DMD: variants seen among roughly 807,000 people sequenced by gnomAD.
DMD encodes dystrophin.
Under a neutral mutation model 330.1 loss-of-function variants are expected in DMD, and 63 were observed. The observed-to-expected ratio is 0.19, with a 90% CI of 0.16 to 0.24. The LOEUF (loss-of-function observed/expected upper bound fraction) is 0.24, where lower values mean the gene tolerates loss of function less well. Ranked by LOEUF, DMD falls within the 10% of genes least tolerant of loss-of-function variation. The pLI is 1.00. For synonymous variants in DMD, 1,223 were observed against 959.8 expected (o/e 1.27, Z -5.07); for missense variants, 3,344 against 2,684.1 (o/e 1.25, Z -5.43).
intron 7 of DMD, among the ~76,000 whole-genome samples, chrX:32,711,775 C>G (rs181684146): frequency 9.2e-4 from 103 of 111,812 alleles, no homozygotes; most frequent in Middle Eastern, 4.6e-3. Context: ...TCTATCCATT[C>G]AGCCATTCTT....
At chrX:31,741,351 A>G (rs1265363306) in intron 51 of DMD, among the ~76,000 whole-genome samples, 1 of 112,169 alleles carries the variant, frequency 8.9e-6, no homozygotes, top group Non-Finnish European at 1.9e-5. Context: ...CAGATCCATC[A>G]GTGGACTCAC....
intron 50 of DMD, among the ~76,000 whole-genome samples, chrX:31,795,360 TTCTTA>T (rs1407818292): frequency 8.9e-6 from 1 of 112,320 alleles, no homozygotes; most frequent in Non-Finnish European, 1.9e-5. Context: ...ATTTTGATTG[TTCTTA>T]TCTGAGGGTG....
At chrX:32,006,962 G>A (rs933866383) in intron 44 of DMD, among the ~76,000 whole-genome samples, 5 of 103,741 alleles carry the variant, frequency 4.8e-5, no homozygotes, top group Non-Finnish European at 9.8e-5. Flanking sequence ...GTAAACTATC[G>A]CAAGAACAAA....
chrX:32,138,803 A>G (rs1569546440), intron 44 of DMD, among the ~76,000 whole-genome samples: 1 of 111,805 alleles, frequency 8.9e-6, no homozygotes, highest in East Asian at 2.8e-4. Context: ...ATTTCCTCCA[A>G]CTGTGCCTAA....
chrX:32,561,266 G>A (rs1207881157), intron 16 of DMD, among the ~76,000 whole-genome samples: 1 of 111,152 alleles, frequency 9.0e-6, no homozygotes. Flanking sequence ...ACGATAAAAC[G>A]TAACAGGAGC....
chrX:32,860,379 C>A (rs1187890299), intron 2 of DMD, among the ~76,000 whole-genome samples: 2 of 111,764 alleles, frequency 1.8e-5, no homozygotes, highest in African/African-American at 3.3e-5. Flanking sequence ...AAAGGACAAG[C>A]CATGGACATA....
chrX:31,697,912 T>C (rs1044646464), intron 52 of DMD, among the ~76,000 whole-genome samples: 3 of 111,747 alleles, frequency 2.7e-5, no homozygotes, highest in African/African-American at 9.8e-5. Context: ...AAAAGTTGAT[T>C]TGCCACGATC....
chrX:32,931,191 T>C (rs758355891), intron 2 of DMD, among the ~76,000 whole-genome samples: 1 of 110,229 alleles, frequency 9.1e-6, no homozygotes, highest in South Asian at 3.7e-4. Flanking sequence ...TGCCTATATC[T>C]TGGCAGTCAA....
intron 9 of DMD, among the ~76,000 whole-genome samples, chrX:32,684,054 C>G (rs920897315): frequency 6.6e-5 from 7 of 105,508 alleles, no homozygotes; most frequent in African/African-American, 2.5e-4. Context: ...CACACACACA[C>G]AGTGTGTATA....
intron 42 of DMD, among the ~76,000 whole-genome samples, chrX:32,297,325 A>G (rs1285176350): frequency 4.6e-5 from 5 of 108,351 alleles, no homozygotes; most frequent in African/African-American, 1.4e-4. Flanking sequence ...CCAGGCTGGA[A>G]TGCAGTGGCG....
At chrX:32,618,135 T>C (rs1436540055) in intron 11 of DMD, among the ~76,000 whole-genome samples, 1 of 111,930 alleles carries the variant, frequency 8.9e-6, no homozygotes, top group Non-Finnish European at 1.9e-5. Flanking sequence ...AAAACAGAAC[T>C]ACCATTGGAC....
At chrX:31,283,243 C>T (rs1339680072) in intron 62 of DMD, among the ~76,000 whole-genome samples, 1 of 111,033 alleles carries the variant, frequency 9.0e-6, no homozygotes, top group Non-Finnish European at 1.9e-5. Flanking sequence ...CCTCCCCTAC[C>T]CCAGAATCCT....
chrX:33,228,478 T>C (rs1176195923), intron 1 of DMD, among the ~76,000 whole-genome samples: 1 of 109,847 alleles, frequency 9.1e-6, no homozygotes, highest in Non-Finnish European at 1.9e-5. Context: ...ATATTTAAAA[T>C]AAAAAGGGGA....
At chrX:31,933,442 A>C (rs1052532994) in intron 45 of DMD, among the ~76,000 whole-genome samples, 56 of 112,373 alleles carry the variant, frequency 5.0e-4, no homozygotes, top group Non-Finnish European at 1.5e-4. Flanking sequence ...ATTAGCCATA[A>C]ATTTATTCTT....
chrX:31,919,164 C>T (rs929652313), intron 47 of DMD, among the ~76,000 whole-genome samples: 12 of 111,522 alleles, frequency 1.1e-4, no homozygotes, highest in Non-Finnish European at 2.1e-4. Flanking sequence ...ATACACATCA[C>T]TGATGAAAAT....
intron 55 of DMD, among the ~76,000 whole-genome samples, chrX:31,583,147 T>C (rs1196913778): frequency 8.9e-6 from 1 of 112,245 alleles, no homozygotes; most frequent in Non-Finnish European, 1.9e-5. Context: ...AGTCCTGTGG[T>C]CTAAATATAG....
Position 31,169,464 on chromosome X carries a change from G to C in DMD, c.10532C>G (p.Ala3511Gly). ...TCACCTGTTTTCTTCCTCAAGATCT[G>C]CTAGGATTCTCTCTAGCTCCCCTCT... ...EERGELERIL[A>G]DLEEENRNLQ... Residue 3511 changes from alanine (A) to glycine (G), a missense_variant, in exon 74 of 79, where the codon GCA (alanine) becomes GGA (glycine). Coordinates refer to ENST00000357033, the MANE Select transcript of DMD (RefSeq NM_004006.3). 1 of 1,206,295 alleles carries C rather than the reference G, an allele frequency of 8.3e-7. No individual in the cohort carries two copies. Among genetic ancestry groups the C allele is most frequent in the Non-Finnish European group, 1.1e-6 (1 of 891,256 alleles).
At chrX:31,421,958 T>TACAC (rs1556630473) in intron 60 of DMD, among the ~76,000 whole-genome samples, 2 of 67,809 alleles carry the variant, frequency 2.9e-5, no homozygotes, top group Non-Finnish European at 4.7e-5. Context: ...TATATATATA[T>TACAC]ACACATATAT....
chrX:32,342,992 AAAC>A (rs1221744859), intron 40 of DMD, 139 bp downstream of exon 40: 1 of 616,373 alleles, frequency 1.6e-6, no homozygotes, highest in African/African-American at 2.2e-5. Context: ...CATTTACTGA[AAAC>A]AACACACAAT....
Sources: gnomAD v4.1 joint callset for allele counts (sites outside exome capture counted in the v4.1 genomes callset) on GRCh38, gnomAD v4.1.1 for gene constraint, MANE v1.5 for transcripts, NCBI Gene and HGNC (gene_info 2026-07-23, HGNC 2026-07-21) for gene names.